MYCBP2: variants seen among roughly 807,000 people sequenced by gnomAD.
The protein encoded by MYCBP2 is MYC binding protein 2.
MYCBP2 carries 120 observed loss-of-function variants against 525.3 expected under a neutral mutation model. The ratio of observed to expected loss-of-function variants is 0.23; its 90% CI spans 0.20 to 0.27. The LOEUF is 0.27. MYCBP2 is among the 10% of genes least tolerant of loss of function. MYCBP2 has a pLI of 1.00. For missense variants in MYCBP2, 4,149 were observed against 5,657.1 expected (o/e 0.73, Z 8.55); for synonymous variants, 1,894 against 1,955.8 (o/e 0.97, Z 0.83).
chr13:77,277,475 A>G (rs951132917), intron 4 of MYCBP2, among the ~76,000 whole-genome samples: 5 of 152,316 alleles, frequency 3.3e-5, no homozygotes, highest in Non-Finnish European at 5.9e-5. Context: ...CCTCTCATTA[A>G]AACAAACAAA....
intron 56 of MYCBP2, 57 bp from the exon 57 acceptor site, chr13:77,096,538 T>C: frequency 1.9e-6 from 3 of 1,543,598 alleles, no homozygotes; most frequent in Non-Finnish European, 2.6e-6. Flanking sequence ...AATAGTTTGA[T>C]CCTTATTACT....
intron 52 of MYCBP2, among the ~76,000 whole-genome samples, chr13:77,133,709 C>CAACT (rs2053288919): frequency 6.6e-6 from 1 of 152,186 alleles, no homozygotes; most frequent in African/African-American, 2.4e-5. Flanking sequence ...TTACCTATAT[C>CAACT]AACTATTCAT....
intron 39 of MYCBP2, among the ~76,000 whole-genome samples, chr13:77,168,890 TTTAC>T (rs2058821238): frequency 6.6e-6 from 1 of 152,176 alleles, no homozygotes; most frequent in African/African-American, 2.4e-5. Context: ...TAAATCAGGT[TTTAC>T]TTAATTATGC....
intron 73 of MYCBP2, among the ~76,000 whole-genome samples, chr13:77,063,408 A>G (rs1037638818): frequency 1.3e-5 from 2 of 152,106 alleles, no homozygotes; most frequent in Non-Finnish European, 2.9e-5. Flanking sequence ...ATACAAAAAA[A>G]ATTAGCCAGG....
At position 77,326,766 on chromosome 13, in the gene MYCBP2, ACAT is replaced by A. The variant is rs2082368704; in HGVS notation, c.7_9del (p.Met3del). On this transcript the variant is annotated inframe_deletion, in exon 1 of 83. Transcript: ENST00000544440. This position sits in a 1 kb window ranked among gnomAD's most constrained non-coding sequence, Gnocchi z 4.2. The stretch of plus-strand genomic sequence containing the variant: ...GCGGCGGGGGAGGCAGTCGCTGCGC[ACAT>A]CATCATCCTCGCCGCCGCCGCCGCC... 1.4e-6 allele frequency: 2 copies of A among 1,415,292 alleles called. No individual in the cohort carries two copies. Among genetic ancestry groups the A allele is most frequent in the Non-Finnish European group, 1.8e-6 (2 of 1,099,022 alleles). The allele number at this position is 1,415,292 out of a possible 1,614,324, so 87.7% of individuals were successfully genotyped here.
chr13:77,311,331 T>C (rs1448018195), intron 1 of MYCBP2, among the ~76,000 whole-genome samples: 1 of 152,116 alleles, frequency 6.6e-6, no homozygotes, highest in Non-Finnish European at 1.5e-5. Flanking sequence ...AACATAACAT[T>C]AACCATGTCC....
intron 60 of MYCBP2, 59 bp downstream of exon 60, chr13:77,090,047 C>A: frequency 7.2e-7 from 1 of 1,386,212 alleles, no homozygotes. Flanking sequence ...GCAAATAAAA[C>A]AATTTTTTTA....
At chr13:77,194,304 T>C (rs1305314620) in intron 26 of MYCBP2, 60 bp from the exon 27 acceptor site, 2 of 1,250,826 alleles carry the variant, frequency 1.6e-6, no homozygotes, top group African/African-American at 2.9e-5. Flanking sequence ...TGATGAACAA[T>C]GTGTTCATAA....
chr13:77,105,365 C>T (rs2047693678), intron 55 of MYCBP2, among the ~76,000 whole-genome samples: 1 of 151,976 alleles, frequency 6.6e-6, no homozygotes. Context: ...GCTAGAGAGA[C>T]TTGATTCCTA....
chr13:77,078,793 G>A (rs746229311), intron 66 of MYCBP2, 31 bp downstream of exon 66: 4 of 1,587,548 alleles, frequency 2.5e-6, no homozygotes, highest in Non-Finnish European at 3.5e-6. Flanking sequence ...TCTCTAGGTA[G>A]CGAAACATTT....
chr13:77,206,103 G>A lies in MYCBP2; in HGVS notation c.3590-505C>T, dbSNP rs1173679215. On this transcript the variant is annotated intron_variant, in intron 24 of 82. Coordinates refer to ENST00000544440, the MANE Select transcript of MYCBP2 (RefSeq NM_015057.5). ...GAGTCTGAAAATGAGTCTTTTTAAG[G>A]ATCATTTTTAAAAGCAACAAAATAC... 2.6e-5 allele frequency among the ~76,000 whole-genome samples: 4 copies of A among 151,944 alleles called. No individual in the cohort carries two copies. In the East Asian group the frequency reaches 7.7e-4, roughly 29 times the overall value.
chr13:77,262,013 T>C, intron 11 of MYCBP2, 40 bp downstream of exon 11: 1 of 1,505,676 alleles, frequency 6.6e-7, no homozygotes, highest in Non-Finnish European at 9.2e-7. Flanking sequence ...ATCTCTTAAA[T>C]CAGAGAATGC....
rs1307700294 is a variant in MYCBP2 at position 77,326,703 on chromosome 13, C to T, written c.73G>A (p.Ala25Thr). 2.1e-6 allele frequency: 3 copies of T among 1,437,090 alleles called. No individual in the cohort carries two copies. Among genetic ancestry groups the T allele is most frequent in the African/African-American group, 1.5e-5 (1 of 66,466 alleles). The allele number at this position is 1,437,090 out of a possible 1,614,324, so 89.0% of individuals were successfully genotyped here. A position where few individuals can be genotyped will look rare whatever the true frequency, so the allele number is the denominator to read the frequency against. ...GCCGGGGAGGAAGAGAAGGTGGCGGCTGGGTAGAATCCGTCCCCGCCGAGC... is the reference window on the plus strand; with the variant it reads ...GCCGGGGAGGAAGAGAAGGTGGCGGTTGGGTAGAATCCGTCCCCGCCGAGC... ...SGLGGDGFYP[A>T]ATFSSSPAPG... Residue 25 changes from alanine (A) to threonine (T), a missense_variant, in exon 1 of 83, where the codon GCC becomes ACC. By Grantham distance (58) the Ala-to-Thr change is moderately conservative. Coordinates refer to ENST00000544440, the MANE Select transcript of MYCBP2 (RefSeq NM_015057.5). This position sits in a 1 kb window ranked among gnomAD's most constrained non-coding sequence, Gnocchi z 4.2.
rs747195842 is a variant in MYCBP2 at position 77,186,051 on chromosome 13, A to C, written c.4264T>G (p.Ser1422Ala). ...ARTVSVECFE[S>A]LLSILHWSWT... ...CTCCAGTGAAGAATACTCAACAATG[A>C]CTCAAAACATTCCTAATCCAGAATA... The change falls in exon 31 of 83, where the codon TCA becomes GCA. Residue 1422 changes from serine to alanine, a missense_variant. Ser to Ala is a moderately conservative substitution (Grantham distance 99). Around this residue, in one of 21 missense-constraint regions of MYCBP2, gnomAD observed 292 missense variants for 330.5 expected, o/e 0.88. Transcript: ENST00000544440. The C allele has an allele frequency of 6.3e-7, 1 of 1,581,990 alleles. No homozygotes were observed. The highest frequency in any genetic ancestry group is 2.3e-5 in the East Asian group (1 of 44,040).
intron 1 of MYCBP2, among the ~76,000 whole-genome samples, chr13:77,310,814 T>C (rs529316434): frequency 5.3e-5 from 8 of 151,558 alleles, no homozygotes; most frequent in Non-Finnish European, 1.2e-4. Context: ...CATATTTAGG[T>C]ACAATACAGT....
At chr13:77,307,469 A>G (rs2079587959) in intron 1 of MYCBP2, among the ~76,000 whole-genome samples, 1 of 151,486 alleles carries the variant, frequency 6.6e-6, no homozygotes, top group African/African-American at 2.4e-5. Flanking sequence ...CTATTAAAAA[A>G]AAAAAAATTA....
intron 5 of MYCBP2, 145 bp from the exon 6 acceptor site, chr13:77,270,683 A>G: frequency 2.3e-6 from 2 of 870,094 alleles, no homozygotes; most frequent in South Asian, 2.1e-5. Context: ...AGTACCAACT[A>G]AAAGTTCATC....
intron 21 of MYCBP2, among the ~76,000 whole-genome samples, chr13:77,213,464 T>C (rs2031805): frequency 0.97 from 147,479 of 152,134 alleles, 71,557 homozygotes; most frequent in East Asian, 1. Context: ...GATGACAGAG[T>C]GAGGCTCTGT....
intron 8 of MYCBP2, among the ~76,000 whole-genome samples, chr13:77,266,746 G>GAAAAAAAAAAAAAAAAAAAAA (rs56408804): frequency 3.4e-5 from 3 of 89,414 alleles, no homozygotes; most frequent in African/African-American, 1.3e-4. Flanking sequence ...GACTTGTAAT[G>GAAAAAAAAAAAAAAAAAAAAA]AAAAAAAAAA....
Sources: gnomAD v4.1 joint callset for allele counts (sites outside exome capture counted in the v4.1 genomes callset) on GRCh38, gnomAD v4.1.1 for gene constraint, gnomAD v4.1.1 regional missense constraint, Gnocchi (gnomAD v3.1) non-coding constraint, MANE v1.5 for transcripts, NCBI Gene and HGNC (gene_info 2026-07-23, HGNC 2026-07-21) for gene names.